Variants in USP13 observed in about 807,000 individuals in gnomAD.
USP13 encodes the protein ubiquitin carboxyl-terminal hydrolase 13.
In USP13, 68 loss-of-function variants were observed where a neutral mutation model predicts 107.8. That is an observed-to-expected ratio of 0.63 (90% CI 0.52 to 0.77). The LOEUF (loss-of-function observed/expected upper bound fraction) is 0.77. USP13 is among the 30% of genes least tolerant of loss of function. The pLI is 0.00. For synonymous variants in USP13, 377 were observed against 389.5 expected (o/e 0.97, Z 0.38); for missense variants, 945 against 1,093.3 (o/e 0.86, Z 1.91).
Position 179,753,984 on chromosome 3 carries a change from A to G in USP13, c.1799-748A>G, listed in dbSNP as rs139687238. Among the ~76,000 whole-genome samples, 639 of 152,356 alleles carry G rather than the reference A, an allele frequency of 4.2e-3. 7 individuals are homozygous for G. The highest frequency in any genetic ancestry group is 0.014 in the African/African-American group (601 of 41,592). ...ATTCAATTAATTTCTTTAAAACTTC[A>G]TTATTTATTCAATATCTTAGTTAGA... On this transcript the variant is annotated intron_variant, in intron 14 of 20. Coordinates refer to ENST00000263966, the MANE Select transcript of USP13 (RefSeq NM_003940.3).
intron 1 of USP13, among the ~76,000 whole-genome samples, chr3:179,672,521 A>G (rs1175210108): frequency 6.6e-6 from 1 of 151,180 alleles, no homozygotes; most frequent in Non-Finnish European, 1.5e-5. Flanking sequence ...AATAGCTGGG[A>G]CTACAGGTGT....
rs1714240045 is a variant in USP13, at chr3:179,742,480, A to G, written c.1534+130A>G. The G allele has an allele frequency of 9.4e-7, 1 of 1,064,858 alleles. No homozygotes were observed. The allele number at this position is 1,064,858 out of a possible 1,614,324, so 66.0% of individuals were successfully genotyped here. A position where few individuals can be genotyped will look rare whatever the true frequency, so the allele number is the denominator to read the frequency against. On this transcript the variant is annotated intron_variant, in intron 12 of 20. Coordinates refer to ENST00000263966, the MANE Select transcript of USP13 (RefSeq NM_003940.3). The surrounding 1 kb of genome is among the most constrained non-coding windows in gnomAD (Gnocchi z 5.0). Reference sequence around the variant, plus strand: ...AGCCCAGGTGATGTCTGCTTTGCACATCTCTTTTCATCTCTTTGTTAGTTC... The same window carrying G: ...AGCCCAGGTGATGTCTGCTTTGCACGTCTCTTTTCATCTCTTTGTTAGTTC...
intron 1 of USP13, among the ~76,000 whole-genome samples, chr3:179,657,762 C>CAAAAAAAAAAAAAAA (rs35377039): frequency 5.4e-5 from 4 of 73,854 alleles, no homozygotes; most frequent in East Asian, 4.5e-4. Flanking sequence ...AATTCCGTCT[C>CAAAAAAAAAAAAAAA]AAAAAAAAAA....
chr3:179,715,053 AT>A (rs965528779), intron 6 of USP13, among the ~76,000 whole-genome samples: 1 of 146,598 alleles, frequency 6.8e-6, no homozygotes, highest in South Asian at 2.2e-4. Flanking sequence ...ATTTTTTTCC[AT>A]TTTTTTTTGT....
intron 19 of USP13, among the ~76,000 whole-genome samples, chr3:179,775,866 C>T (rs546281523): frequency 9.4e-4 from 143 of 152,328 alleles, no homozygotes; most frequent in Non-Finnish European, 1.5e-3. Context: ...CCACCTGCGC[C>T]TCTCCCTCCA....
At chr3:179,745,352 C>T in intron 13 of USP13, 135 bp downstream of exon 13, 1 of 1,112,624 alleles carries the variant, frequency 9.0e-7, no homozygotes, top group Non-Finnish European at 1.3e-6. Context: ...GATTATGGTT[C>T]ACACACCCTA....
Position 179,721,532 on chromosome 3 carries a change from G to C in USP13, c.1031G>C (p.Ser344Thr). ...ACGGGTCTGAAGAACCTGGGCAACA[G>C]CTGCTATCTCAGCTCTGTCATGCAG... ...GYTGLKNLGN[S>T]CYLSSVMQAI... The change falls in exon 8 of 21, where the codon AGC becomes ACC. Residue 344 changes from serine to threonine, a missense_variant. Ser to Thr is a moderately conservative substitution (Grantham distance 58). Transcript: ENST00000263966. This position sits in a 1 kb window ranked among gnomAD's most constrained non-coding sequence, Gnocchi z 4.3. 6.2e-7 allele frequency: 1 copy of C among 1,614,166 alleles called. No homozygotes were observed. Among genetic ancestry groups the C allele is most frequent in the African/African-American group, 1.3e-5 (1 of 75,042 alleles).
intron 8 of USP13, among the ~76,000 whole-genome samples, chr3:179,725,249 T>A (rs1269307580): frequency 6.6e-6 from 1 of 152,180 alleles, no homozygotes; most frequent in Admixed American, 6.5e-5. Context: ...CTTCTATCTA[T>A]CTTGCCTTAA....
chr3:179,702,878 T>G (rs2300769), intron 4 of USP13, among the ~76,000 whole-genome samples: 55,822 of 152,152 alleles, frequency 0.37, 12,431 homozygotes, highest in Non-Finnish European at 0.48. Flanking sequence ...TACTGCCTTG[T>G]TTAATATAAC....
rs1190446556 is a variant in USP13 at position 179,784,729 on chromosome 3, G to A, written c.*588G>A. 2 of 152,138 alleles carry A rather than the reference G, an allele frequency of 1.3e-5. No individual in the cohort carries two copies. The highest frequency in any genetic ancestry group is 2.9e-5 in the Non-Finnish European group (2 of 68,050). 9.4% of individuals were successfully genotyped at this position (152,138 alleles called of 1,614,324 possible). ...TTTGTCACATTAAAATTCATAATAC[G>A]ATTGTGTGAATGTGTGTGAGACTGA... On this transcript the variant is annotated 3_prime_UTR_variant, in exon 21 of 21. Transcript: ENST00000263966.
rs141688809 is a variant in USP13, at chr3:179,722,647, C to T, written c.1088+1058C>T. Among the ~76,000 whole-genome samples, 18 of 152,060 alleles carry T rather than the reference C, an allele frequency of 1.2e-4. No individual in the cohort carries two copies. The East Asian group carries it at 1.9e-3, about 16-fold the overall frequency. ...TCATTTCTTTGTATTAGGAATATTC[C>T]AATTTCACTCTTTTAGTTATTTTAA... is the stretch of plus-strand genomic sequence containing the variant. On this transcript the variant is annotated intron_variant, in intron 8 of 20. Coordinates refer to ENST00000263966, the MANE Select transcript of USP13 (RefSeq NM_003940.3).
Position 179,753,225 on chromosome 3 carries a change from A to T in USP13, c.1798+852A>T, listed in dbSNP as rs143883073. On this transcript the variant is annotated intron_variant, in intron 14 of 20. Transcript: ENST00000263966. Reference sequence around the variant, plus strand: ...CGTCTGAAGGGGATAGGTAAAAAGGATGTAGAATCGGCTGGAGTGATTTCC... The same window carrying T: ...CGTCTGAAGGGGATAGGTAAAAAGGTTGTAGAATCGGCTGGAGTGATTTCC... Among the ~76,000 whole-genome samples the T allele has an allele frequency of 2.8e-3, 434 of 152,340 alleles. 2 individuals are homozygous for T. The highest frequency in any genetic ancestry group is 9.8e-3 in the African/African-American group (408 of 41,572).
intron 3 of USP13, among the ~76,000 whole-genome samples, chr3:179,693,211 C>T (rs2108466626): frequency 6.6e-6 from 1 of 152,078 alleles, no homozygotes; most frequent in African/African-American, 2.4e-5. Context: ...TGCAGTGCCA[C>T]AATCATAGCT....
chr3:179,778,867 G>A (rs1443007498), intron 19 of USP13, among the ~76,000 whole-genome samples: 1 of 152,152 alleles, frequency 6.6e-6, no homozygotes, highest in Non-Finnish European at 1.5e-5. Flanking sequence ...GAGTGAGGGC[G>A]GGTGTGGAAG....
chr3:179,771,330 T>A (rs1253310715), intron 19 of USP13, among the ~76,000 whole-genome samples: 1 of 152,194 alleles, frequency 6.6e-6, no homozygotes, highest in Non-Finnish European at 1.5e-5. Flanking sequence ...CTACTCCAAG[T>A]CACTGAGGCA....
At chr3:179,705,296 A>T (rs945039613) in intron 4 of USP13, among the ~76,000 whole-genome samples, 1 of 148,076 alleles carries the variant, frequency 6.8e-6, no homozygotes, top group African/African-American at 2.4e-5. Flanking sequence ...AAATTTTGTT[A>T]TTTATTTATT....
At chr3:179,661,244 G>T (rs996702298) in intron 1 of USP13, among the ~76,000 whole-genome samples, 33 of 152,142 alleles carry the variant, frequency 2.2e-4, no homozygotes, top group African/African-American at 7.7e-4. Context: ...TAGAGTTTAG[G>T]CAAGAAGATA....
intron 3 of USP13, among the ~76,000 whole-genome samples, chr3:179,692,495 C>G (rs1712148032): frequency 2.0e-5 from 3 of 152,190 alleles, no homozygotes; most frequent in African/African-American, 7.2e-5. Context: ...GACCACAACC[C>G]AGTTTAACCA....
intron 1 of USP13, among the ~76,000 whole-genome samples, chr3:179,677,368 G>C (rs1487720188): frequency 2.0e-5 from 3 of 151,842 alleles, no homozygotes; most frequent in Admixed American, 2.0e-4. Flanking sequence ...GGATAACAAG[G>C]TCAGGAATTG....
Sources: gnomAD v4.1 joint callset for allele counts (sites outside exome capture counted in the v4.1 genomes callset) on GRCh38, gnomAD v4.1.1 for gene constraint, Gnocchi (gnomAD v3.1) non-coding constraint, MANE v1.5 for transcripts, NCBI Gene and HGNC (gene_info 2026-07-23, HGNC 2026-07-21) for gene names.